Variants in GPHN observed in about 807,000 individuals in gnomAD.
GPHN encodes gephyrin.
Under a neutral mutation model 95.5 loss-of-function variants are expected in GPHN, and 17 were observed. The observed-to-expected ratio is 0.18, with a 90% CI of 0.12 to 0.27. The LOEUF (loss-of-function observed/expected upper bound fraction) is 0.27, where lower values mean the gene tolerates loss of function less well. Ranked by LOEUF, GPHN falls within the 10% of genes least tolerant of loss-of-function variation. The pLI is 1.00. For missense variants in GPHN, 660 were observed against 978.1 expected (o/e 0.67, Z 4.34); for synonymous variants, 320 against 322.5 (o/e 0.99, Z 0.08).
the GPHN span, among the ~76,000 whole-genome samples, chr14:67,658,671 AACATG>A: frequency 6.6e-6 from 1 of 152,252 alleles, no homozygotes; most frequent in Non-Finnish European, 1.5e-5. Flanking sequence ...CAACTTTGGC[AACATG>A]ACTAAAGTCA....
At chr14:67,589,249 C>G in the GPHN span, 1 of 690,956 alleles carries the variant, frequency 1.4e-6, no homozygotes, top group African/African-American at 1.9e-5. Flanking sequence ...TCCTCCCCAA[C>G]CCTTCAGGAA....
chr14:66,971,408 A>G (rs1319966232), intron 9 of GPHN, among the ~76,000 whole-genome samples: 1 of 152,212 alleles, frequency 6.6e-6, no homozygotes, highest in African/African-American at 2.4e-5. Context: ...ATTTTCCACA[A>G]CCAAAGAAAA....
At chr14:67,292,424 A>G in the GPHN span, 1 of 876,656 alleles carries the variant, frequency 1.1e-6, no homozygotes, top group Non-Finnish European at 1.8e-6. Flanking sequence ...TTAAATTGTT[A>G]CTGGTTCAAA....
At chr14:67,135,691 C>T (rs1380277969) in intron 17 of GPHN, among the ~76,000 whole-genome samples, 1 of 147,576 alleles carries the variant, frequency 6.8e-6, no homozygotes, top group Non-Finnish European at 1.5e-5. Context: ...TTTTGTTTTG[C>T]TTTTTTTTTT....
At chr14:66,778,049 C>T (rs904964656) in intron 3 of GPHN, among the ~76,000 whole-genome samples, 16 of 152,164 alleles carry the variant, frequency 1.1e-4, no homozygotes, top group South Asian at 2.1e-4. Context: ...TGTTTGCAGA[C>T]GACATGATTG....
the GPHN span, among the ~76,000 whole-genome samples, chr14:67,494,826 A>T: frequency 6.6e-6 from 1 of 152,206 alleles, no homozygotes. Context: ...TTAAAAACAG[A>T]AGTGGCCAGA....
chr14:66,549,339 G>A (rs1010224742), intron 1 of GPHN, among the ~76,000 whole-genome samples: 2 of 152,110 alleles, frequency 1.3e-5, no homozygotes, highest in East Asian at 1.9e-4. Context: ...CAGCCATATC[G>A]CTGATATGAA....
intron 1 of GPHN, among the ~76,000 whole-genome samples, chr14:66,655,179 C>G (rs1218792561): frequency 1.3e-5 from 2 of 152,068 alleles, no homozygotes; most frequent in African/African-American, 4.8e-5. Flanking sequence ...TGATTGGTAA[C>G]AAGCTAAGCT....
At chr14:67,249,590 T>A in the GPHN span, among the ~76,000 whole-genome samples, 1 of 152,216 alleles carries the variant, frequency 6.6e-6, no homozygotes, top group African/African-American at 2.4e-5. Flanking sequence ...TTGTAGTATA[T>A]CTAATAAGTT....
chr14:67,332,971 C>CTG, the GPHN span: 6 of 1,593,036 alleles, frequency 3.8e-6, no homozygotes, highest in South Asian at 6.7e-5. Flanking sequence ...AACATCCATT[C>CTG]TGTGGCATGT....
chr14:66,720,964 G>A (rs2070688549), intron 2 of GPHN, among the ~76,000 whole-genome samples: 1 of 152,174 alleles, frequency 6.6e-6, no homozygotes, highest in South Asian at 2.1e-4. Context: ...AAGCACAAAA[G>A]AGCCAGCAAA....
the GPHN span, chr14:67,587,257 C>T: frequency 6.2e-7 from 1 of 1,613,096 alleles, no homozygotes; most frequent in East Asian, 2.2e-5. Flanking sequence ...ACCCGATTCC[C>T]CAACACCACT....
the GPHN span, among the ~76,000 whole-genome samples, chr14:67,604,594 C>T: frequency 6.6e-6 from 1 of 152,070 alleles, no homozygotes; most frequent in Non-Finnish European, 1.5e-5. Flanking sequence ...ACTAGGGAGG[C>T]TGAGGCAGAA....
chr14:66,615,401 G>A (rs180748391), intron 1 of GPHN, among the ~76,000 whole-genome samples: 31 of 150,386 alleles, frequency 2.1e-4, no homozygotes, highest in Admixed American at 1.3e-3. Context: ...AATAATTGCC[G>A]TTCTGACTGG....
chr14:66,676,672 A>ATTTT (rs56906168), intron 1 of GPHN, among the ~76,000 whole-genome samples: 20,058 of 125,770 alleles, frequency 0.16, 3,529 homozygotes, highest in East Asian at 0.42. Context: ...ATCGTAGTGT[A>ATTTT]TTTTTTTTTT....
At chr14:67,173,474 TGCTGC>T (rs2082715234) in intron 21 of GPHN, among the ~76,000 whole-genome samples, 1 of 152,142 alleles carries the variant, frequency 6.6e-6, no homozygotes, top group Admixed American at 6.5e-5. Flanking sequence ...CACCTGAAGA[TGCTGC>T]ATGGAAACTA....
chr14:67,566,315 C>T, the GPHN span, among the ~76,000 whole-genome samples: 2 of 152,220 alleles, frequency 1.3e-5, no homozygotes, highest in East Asian at 3.9e-4. Context: ...TGCTGGCTCT[C>T]TTCTTGCTCT....
At chr14:67,349,133 G>T in the GPHN span, 19 of 1,604,250 alleles carry the variant, frequency 1.2e-5, no homozygotes, top group African/African-American at 2.4e-4. Flanking sequence ...ACTTTATTTA[G>T]CAGACTCTTC....
chr14:66,795,818 A>G (rs1253237300), intron 3 of GPHN, among the ~76,000 whole-genome samples: 1 of 152,200 alleles, frequency 6.6e-6, no homozygotes, highest in East Asian at 1.9e-4. Context: ...TCAAGCATTA[A>G]TCCTTGCTGT....
Sources: gnomAD v4.1 joint callset for allele counts (sites outside exome capture counted in the v4.1 genomes callset) on GRCh38, gnomAD v4.1.1 for gene constraint, MANE v1.5 for transcripts, NCBI Gene and HGNC (gene_info 2026-07-23, HGNC 2026-07-21) for gene names.